The following KLB variants were observed in gnomAD, a reference collection of about 807,000 sequenced individuals.
KLB encodes klotho beta, also known as beta-klotho.
A neutral mutation model predicts 88.4 loss-of-function variants in KLB; 44 were observed. The observed-to-expected ratio is 0.50, with a 90% CI of 0.39 to 0.64. The LOEUF (loss-of-function observed/expected upper bound fraction) is 0.64. Ranked by LOEUF, KLB falls within the 30% of genes least tolerant of loss-of-function variation. KLB has a pLI of 0.00. For missense variants in KLB, 1,137 were observed against 1,304.8 expected, an observed-to-expected ratio of 0.87 and a Z score of 1.98; for synonymous variants, 548 against 513.4, an observed-to-expected ratio of 1.07 and a Z score of -0.91.
chr4:39,432,607 T>C (rs1640495161), intron 1 of KLB, among the ~76,000 whole-genome samples: 1 of 152,152 alleles, frequency 6.6e-6, no homozygotes, highest in African/African-American at 2.4e-5. Context: ...GATAAGAAAC[T>C]TTCTGAGGGT....
At chr4:39,417,301 G>GTTTTTTGT (rs1263126610) in intron 1 of KLB, among the ~76,000 whole-genome samples, 4 of 150,196 alleles carry the variant, frequency 2.7e-5, no homozygotes, top group Admixed American at 6.6e-5. Context: ...CAAAAAAGTG[G>GTTTTTTGT]TTTTTTGTTT....
At chr4:39,414,264 A>T (rs1445043772) in intron 1 of KLB, among the ~76,000 whole-genome samples, 1 of 151,950 alleles carries the variant, frequency 6.6e-6, no homozygotes, top group East Asian at 1.9e-4. Flanking sequence ...TAAGTTGCAT[A>T]CAGAAACTCA....
intron 1 of KLB, among the ~76,000 whole-genome samples, chr4:39,431,559 G>C: frequency 6.6e-6 from 1 of 152,150 alleles, no homozygotes; most frequent in East Asian, 1.9e-4. Flanking sequence ...CCCGAGGAAA[G>C]CATTCTTAAG....
Position 39,434,497 on chromosome 4 carries a change from C to T in KLB, c.1113C>T (p.Ala371=), listed in dbSNP as rs1470415141. The T allele has an allele frequency of 3.7e-6, 6 of 1,613,990 alleles. No homozygotes were observed. The highest frequency in any genetic ancestry group is 4.2e-6 in the Non-Finnish European group (5 of 1,180,042). ...HEMRGTADFF[A]FSFGPNNFKP... is the part of the protein sequence containing the mutation. ...TGAGAGGCACAGCTGATTTCTTTGC[C>T]TTTTCTTTTGGACCCAACAACTTCA... The change falls in exon 2 of 5, where the codon GCC becomes GCT. Residue 371 remains alanine (A), a synonymous_variant. Transcript: ENST00000257408.
chr4:39,435,659 C>G (rs1743458333), intron 2 of KLB, among the ~76,000 whole-genome samples: 2 of 151,974 alleles, frequency 1.3e-5, no homozygotes, highest in South Asian at 4.2e-4. Context: ...CTCCTGACCT[C>G]AGGTGATCCA....
chr4:39,419,747 G>C (rs1743037611), intron 1 of KLB, among the ~76,000 whole-genome samples: 2 of 146,396 alleles, frequency 1.4e-5, no homozygotes, highest in Admixed American at 1.4e-4. Flanking sequence ...CTGCACTCCA[G>C]TCTGGGCGAC....
intron 1 of KLB, among the ~76,000 whole-genome samples, chr4:39,428,423 C>T (rs1256664411): frequency 6.8e-5 from 6 of 87,830 alleles, no homozygotes; most frequent in East Asian, 4.9e-4. Flanking sequence ...AGTGAAACTA[C>T]GTCTCAAAAA....
At position 39,437,623 on chromosome 4, in the gene KLB, G is replaced by T. The variant is rs1039295512; in HGVS notation, c.1337-104G>T. 7 of 1,320,250 alleles carry T rather than the reference G, an allele frequency of 5.3e-6. No homozygotes were observed. In the African/African-American group the frequency reaches 8.9e-5, roughly 17 times the overall value. 81.8% of individuals were successfully genotyped at this position (1,320,250 alleles called of 1,614,324 possible). ...CAGCAGACCTGAAAATTAGGGCAAA[G>T]GTTCGTTTTACAATATGCTGTCCTC... is the stretch of plus-strand genomic sequence containing the variant. On this transcript the variant is annotated intron_variant, in intron 2 of 4. Transcript: ENST00000257408.
Position 39,437,741 on chromosome 4 carries a change from G to A in KLB, c.1351G>A (p.Glu451Lys). 6.2e-7 allele frequency: 1 copy of A among 1,610,994 alleles called. No individual in the cohort carries two copies. The highest frequency in any genetic ancestry group is 8.5e-7 in the Non-Finnish European group (1 of 1,177,656). Residue 451 changes from glutamate to lysine, a missense_variant, in exon 3 of 5, where the codon GAA becomes AAA. By Grantham distance (56) the Glu-to-Lys change is moderately conservative. Coordinates refer to ENST00000257408, the MANE Select transcript of KLB (RefSeq NM_175737.4). ...TCTCTGTGCAGCAATAAGGTTAGAT[G>A]AAATACGAGTGTTTGGTTATACTGC... ...SQVLQAIRLD[E>K]IRVFGYTAWS...
intron 1 of KLB, among the ~76,000 whole-genome samples, chr4:39,418,511 T>C (rs766367110): frequency 6.6e-6 from 1 of 150,708 alleles, no homozygotes; most frequent in Non-Finnish European, 1.5e-5. Flanking sequence ...AGTGCTGGGA[T>C]TACAGATGTG....
chr4:39,439,996 G>T (rs1253718867), intron 3 of KLB, among the ~76,000 whole-genome samples: 5 of 151,556 alleles, frequency 3.3e-5, no homozygotes, highest in Non-Finnish European at 7.4e-5. Flanking sequence ...TAGAAACAGG[G>T]TTTCACCAAG....
chr4:39,411,087 C>A (rs1193448711), intron 1 of KLB, among the ~76,000 whole-genome samples: 1 of 151,938 alleles, frequency 6.6e-6, no homozygotes, highest in East Asian at 1.9e-4. Flanking sequence ...AGTTTTCGTT[C>A]TTGTTGCCCA....
intron 2 of KLB, among the ~76,000 whole-genome samples, chr4:39,436,791 T>C (rs922828439): frequency 6.6e-6 from 1 of 151,866 alleles, no homozygotes; most frequent in African/African-American, 2.4e-5. Flanking sequence ...CTCACTGCAA[T>C]CTCCACCTCC....
Position 39,434,721 on chromosome 4 carries a change from G to T in KLB, c.1336+1G>T. 1.2e-6 allele frequency: 2 copies of T among 1,609,126 alleles called. No homozygotes were observed. Among genetic ancestry groups the T allele is most frequent in the Non-Finnish European group, 8.5e-7 (1 of 1,177,974 alleles). The stretch of plus-strand genomic sequence containing the variant: ...AATTTCCTCAGCCAGGTGCTTCAAG[G>T]TTGGTTGTACACTTGCTTAATTTTT... On this transcript the variant is annotated splice_donor_variant, in intron 2 of 4. Coordinates refer to ENST00000257408, the MANE Select transcript of KLB (RefSeq NM_175737.4). LOFTEE classifies it high-confidence loss of function.
intron 1 of KLB, among the ~76,000 whole-genome samples, chr4:39,427,574 GACA>G (rs773662957): frequency 2.6e-5 from 4 of 151,804 alleles, no homozygotes; most frequent in Admixed American, 6.6e-5. Context: ...ATCCCAAAAG[GACA>G]ACGAGTAAAA....
Position 39,450,364 on chromosome 4 carries a change from G to C in KLB, c.*1678G>C, listed in dbSNP as rs1179818776. On this transcript the variant is annotated 3_prime_UTR_variant, in exon 5 of 5. Coordinates refer to ENST00000257408, the MANE Select transcript of KLB (RefSeq NM_175737.4). ...CTGTTACAAAGCCTTAGTAAATTAA[G>C]GCAGTTTTGATTATATTCTAGGTCC... 6.6e-6 allele frequency: 1 copy of C among 152,190 alleles called. No individual in the cohort carries two copies. The allele number at this position is 152,190 out of a possible 1,614,324, so 9.4% of individuals were successfully genotyped here.
At chr4:39,430,409 G>GAAAAAAAAA (rs4008368) in intron 1 of KLB, among the ~76,000 whole-genome samples, 20,851 of 133,562 alleles carry the variant, frequency 0.16, 2,814 homozygotes, top group Non-Finnish European at 0.23. Flanking sequence ...TTTCTAATTA[G>GAAAAAAAAA]AAAAAAAAAA....
intron 1 of KLB, among the ~76,000 whole-genome samples, chr4:39,424,662 C>T (rs1002748393): frequency 1.3e-5 from 2 of 149,096 alleles, no homozygotes; most frequent in Non-Finnish European, 1.5e-5. Flanking sequence ...GATGGAGCTT[C>T]GCACTGTTGC....
intron 1 of KLB, among the ~76,000 whole-genome samples, chr4:39,420,928 A>G (rs1743070027): frequency 6.6e-6 from 1 of 152,172 alleles, no homozygotes; most frequent in South Asian, 2.1e-4. Flanking sequence ...CTAACCACAC[A>G]CCACGGGAAG....
Sources: allele counts gnomAD v4.1 joint callset (sites outside exome capture counted in the v4.1 genomes callset), GRCh38; gene constraint gnomAD v4.1.1; transcripts MANE v1.5; gene names NCBI Gene and HGNC (gene_info 2026-07-23, HGNC 2026-07-21).